The following ARRB1 variants were observed in gnomAD, a reference collection of about 807,000 sequenced individuals.
ARRB1 encodes beta-arrestin-1.
In ARRB1, 21 loss-of-function variants were observed where a neutral mutation model predicts 56.8. The observed-to-expected ratio is 0.37, with a 90% CI of 0.26 to 0.53. The LOEUF is 0.53. Among genes scored for constraint, ARRB1 ranks in the 20% least tolerant of loss-of-function variants. The probability of loss-of-function intolerance (pLI) is 0.88; values close to 1 mark genes in which losing one functional copy is unlikely to be tolerated. For synonymous variants in ARRB1, 210 were observed against 218.6 expected, an observed-to-expected ratio of 0.96 and a Z score of 0.35; for missense variants, 424 against 553.7, an observed-to-expected ratio of 0.77 and a Z score of 2.35.
At chr11:75,343,213 C>G (rs980465345) in intron 1 of ARRB1, among the ~76,000 whole-genome samples, 1 of 151,990 alleles carries the variant, frequency 6.6e-6, no homozygotes, top group African/African-American at 2.4e-5. Context: ...GGGATGAGTG[C>G]TGAGAGAGAG....
intron 10 of ARRB1, among the ~76,000 whole-genome samples, chr11:75,275,745 T>C (rs1248029445): frequency 6.6e-6 from 1 of 152,198 alleles, no homozygotes. Flanking sequence ...TCTGAGCCAC[T>C]TCCTCCTCTA....
chr11:75,329,088 CTTTTTTTTTT>C (rs770989128), intron 1 of ARRB1, among the ~76,000 whole-genome samples: 3 of 103,658 alleles, frequency 2.9e-5, no homozygotes, highest in Admixed American at 1.0e-4. Flanking sequence ...TGCTGTGTAA[CTTTTTTTTTT>C]TTTTTTTTTT....
At chr11:75,313,639 G>A (rs1365008946) in intron 1 of ARRB1, among the ~76,000 whole-genome samples, 2 of 152,236 alleles carry the variant, frequency 1.3e-5, no homozygotes, top group East Asian at 3.9e-4. Context: ...CCCTGGCTGT[G>A]CAGCTGGGAT....
chr11:75,287,476 C>G (rs536898213), intron 2 of ARRB1, 101 bp from the exon 3 acceptor site: 2 of 1,215,290 alleles, frequency 1.6e-6, no homozygotes, highest in African/African-American at 1.5e-5. Context: ...AAACTCCAGA[C>G]CCATCCCTAA....
intron 1 of ARRB1, among the ~76,000 whole-genome samples, chr11:75,329,059 C>T (rs1032970015): frequency 2.7e-5 from 4 of 150,386 alleles, no homozygotes; most frequent in Non-Finnish European, 4.4e-5. Flanking sequence ...AACAGCACTT[C>T]GCTGGGACCA....
At chr11:75,274,562 C>T (rs913962529) in intron 10 of ARRB1, 4 of 181,604 alleles carry the variant, frequency 2.2e-5, no homozygotes, top group South Asian at 1.2e-4. Flanking sequence ...GAGGCCGAGG[C>T]GGGTAGATCA....
Position 75,272,898 on chromosome 11 carries a change from C to T in ARRB1, c.995G>A (p.Gly332Asp), listed in dbSNP as rs2140404924. Residue 332 changes from glycine to aspartate, a missense_variant, in exon 12 of 16, where the codon GGC (glycine) becomes GAC (aspartate). By Grantham distance (94) the Gly-to-Asp change is moderately conservative. Around this residue, in one of 3 missense-constraint regions of ARRB1, gnomAD observed 121 missense variants for 147.3 expected, o/e 0.82. Transcript: ENST00000420843. ...TGGGCTTGGCTGGAGCACTCACCCG[C>T]CCCGAGACACCACCAGCTTCACTTT... ...KVKVKLVVSR[G>D]GLLGDLASSD... 1 of 1,614,040 alleles carries T rather than the reference C, an allele frequency of 6.2e-7. No individual in the cohort carries two copies.
At chr11:75,271,632 G>A (rs976799830) in intron 13 of ARRB1, 69 bp downstream of exon 13, 106 of 1,485,988 alleles carry the variant, frequency 7.1e-5, no homozygotes, top group Admixed American at 2.1e-5. Flanking sequence ...TGTGATTCTG[G>A]TCAGTCAAGC....
intron 1 of ARRB1, among the ~76,000 whole-genome samples, chr11:75,307,296 G>A (rs1196787034): frequency 1.3e-5 from 2 of 152,208 alleles, no homozygotes; most frequent in African/African-American, 4.8e-5. Flanking sequence ...TCTTGAGTGA[G>A]AGGACAAGAT....
chr11:75,290,562 T>A (rs1288071725), intron 1 of ARRB1, among the ~76,000 whole-genome samples: 1 of 151,440 alleles, frequency 6.6e-6, no homozygotes, highest in Non-Finnish European at 1.5e-5. Context: ...TTGCTCTACT[T>A]CTTCTTTTTC....
At chr11:75,323,319 T>C (rs1040860541) in intron 1 of ARRB1, among the ~76,000 whole-genome samples, 6 of 152,204 alleles carry the variant, frequency 3.9e-5, no homozygotes, top group African/African-American at 9.7e-5. Context: ...ACAACCCTCA[T>C]TGAAATGTAC....
Position 75,266,170 on chromosome 11 carries a change from T to C in ARRB1, c.1250A>G (p.Asn417Ser), listed in dbSNP as rs769862798. ...GAGGCAGGGCCGGCCCGTCTATCTG[T>C]TGTTGAGCTGTGGAGAGCCGGTACC... ...EDGTGSPQLN[N>S]R Residue 417 changes from asparagine (N) to serine (S), a missense_variant, in exon 16 of 16, where the codon AAC becomes AGC. Physicochemically the swap from Asn to Ser is conservative, Grantham distance 46. Around this residue, in one of 3 missense-constraint regions of ARRB1, gnomAD observed 121 missense variants for 147.3 expected, o/e 0.82. Transcript: ENST00000420843. 10 of 1,613,774 alleles carry C rather than the reference T, an allele frequency of 6.2e-6. No homozygotes were observed. The highest frequency in any genetic ancestry group is 8.5e-6 in the Non-Finnish European group (10 of 1,179,832).
At chr11:75,267,624 G>A (rs375647618) in intron 15 of ARRB1, 28 bp downstream of exon 15, 18 of 688,426 alleles carry the variant, frequency 2.6e-5, no homozygotes, top group African/African-American at 1.5e-4. Context: ...GCCCACCCCC[G>A]GATGTCTGCA....
At position 75,313,450 on chromosome 11, in the gene ARRB1, G is replaced by A. The variant is rs549363957; in HGVS notation, c.21-23411C>T. 2.0e-3 allele frequency among the ~76,000 whole-genome samples: 311 copies of A among 152,350 alleles called. 1 individual carries two copies. The highest frequency in any genetic ancestry group is 3.9e-3 in the Non-Finnish European group (264 of 68,034). On this transcript the variant is annotated intron_variant, in intron 1 of 15. Transcript: ENST00000420843. Reference sequence around the variant, plus strand: ...CCCCTCAGCCAAGGCTTCAGGCTAGGGGGAGAGTCTGAGGAGGAGGCAGCG... The same window carrying A: ...CCCCTCAGCCAAGGCTTCAGGCTAGAGGGAGAGTCTGAGGAGGAGGCAGCG...
At position 75,262,726 on chromosome 11, in the gene ARRB1, T is replaced by C. The variant is rs1945825234; in HGVS notation, c.*3437A>G. Among the ~76,000 whole-genome samples, 1 of 152,174 alleles carries C rather than the reference T, an allele frequency of 6.6e-6. No homozygotes were observed. The highest frequency in any genetic ancestry group is 6.5e-5 in the Admixed American group (1 of 15,288). ...ATTGAGCCCCAGAGGTTGAGTAGCTTGCCCAAGCCCCCCAGGTGGTTGGTG... is the reference window on the plus strand; with the variant it reads ...ATTGAGCCCCAGAGGTTGAGTAGCTCGCCCAAGCCCCCCAGGTGGTTGGTG... On this transcript the variant is annotated 3_prime_UTR_variant, in exon 16 of 16. Coordinates refer to ENST00000420843, the MANE Select transcript of ARRB1 (RefSeq NM_004041.5).
At chr11:75,281,260 G>C in intron 6 of ARRB1, 118 bp from the exon 7 acceptor site, 3 of 968,230 alleles carry the variant, frequency 3.1e-6, no homozygotes, top group Non-Finnish European at 4.7e-6. Flanking sequence ...AGCTCCCACA[G>C]CCCAGCCTTC....
intron 1 of ARRB1, among the ~76,000 whole-genome samples, chr11:75,305,477 TCC>T (rs1288138776): frequency 6.6e-6 from 1 of 152,218 alleles, no homozygotes; most frequent in Non-Finnish European, 1.5e-5. Context: ...GTTCATCTCT[TCC>T]CAACTGCACA....
At chr11:75,328,154 A>T (rs1178922654) in intron 1 of ARRB1, among the ~76,000 whole-genome samples, 1 of 151,882 alleles carries the variant, frequency 6.6e-6, no homozygotes, top group African/African-American at 2.4e-5. Flanking sequence ...GTCTCTATGG[A>T]TTTCTCTATT....
intron 1 of ARRB1, among the ~76,000 whole-genome samples, chr11:75,290,885 G>A (rs937117826): frequency 3.3e-5 from 5 of 152,136 alleles, no homozygotes; most frequent in East Asian, 3.9e-4. Flanking sequence ...GATTACAGGC[G>A]TGAGCCACCA....
Sources: allele counts gnomAD v4.1 joint callset (sites outside exome capture counted in the v4.1 genomes callset), GRCh38; gene constraint gnomAD v4.1.1; regional missense constraint gnomAD v4.1.1; transcripts MANE v1.5; gene names NCBI Gene and HGNC (gene_info 2026-07-23, HGNC 2026-07-21).